The following JAML variants were observed in gnomAD, a reference collection of about 807,000 sequenced individuals.
JAML encodes the protein junctional adhesion molecule-like.
Under a neutral mutation model 39.3 loss-of-function variants are expected in JAML, and 25 were observed. The observed-to-expected ratio is 0.64, with a 90% CI of 0.46 to 0.89. JAML has a LOEUF of 0.89. Ranked by LOEUF, JAML falls within the 40% of genes least tolerant of loss-of-function variation. JAML has a pLI of 0.00. For synonymous variants in JAML, 162 were observed against 179.2 expected (o/e 0.90, Z 0.77); for missense variants, 440 against 486.9 (o/e 0.90, Z 0.91).
intron 5 of JAML, chr11:118,204,616 C>T (rs936357280): frequency 2.0e-5 from 3 of 152,244 alleles, no homozygotes; most frequent in Admixed American, 1.3e-4. Context: ...GCAGGGTTCA[C>T]TCCCTCTCCT....
chr11:118,197,894 G>T, intron 8 of JAML, 104 bp downstream of exon 8: 1 of 1,044,532 alleles, frequency 9.6e-7, no homozygotes, highest in Non-Finnish European at 1.5e-6. Flanking sequence ...CCAAGCACTG[G>T]CCTGCAAGCT....
At chr11:118,198,236 C>A (rs1207876719) in intron 7 of JAML, 145 bp from the exon 8 acceptor site, 5 of 643,208 alleles carry the variant, frequency 7.8e-6, no homozygotes, top group Non-Finnish European at 8.2e-6. Context: ...CAGGGCTACC[C>A]GGCTCACCTG....
Position 118,194,410 on chromosome 11 carries a change from A to C in JAML, c.1100T>G (p.Val367Gly). ...CCGATCTGACCTCAGAGAAGGCCAA[A>C]CTGGGTGCTGTGGGGGAAGGGCAGA... ...SEATYMTMHP[V>G]WPSLRSDRNN... The change falls in exon 10 of 10, where the codon GTT (valine) becomes GGT (glycine). Residue 367 changes from valine to glycine, a missense_variant. Coordinates refer to ENST00000356289, the MANE Select transcript of JAML (RefSeq NM_001098526.2). 1 of 1,613,600 alleles carries C rather than the reference A, an allele frequency of 6.2e-7. No individual in the cohort carries two copies. Among genetic ancestry groups the C allele is most frequent in the South Asian group, 1.1e-5 (1 of 91,072 alleles).
intron 4 of JAML, 51 bp from the exon 5 acceptor site, chr11:118,206,042 G>T: frequency 6.7e-7 from 1 of 1,495,634 alleles, no homozygotes; most frequent in Non-Finnish European, 9.3e-7. Flanking sequence ...ATCTATAGAA[G>T]TCAAAGAATT....
At chr11:118,221,161 C>A (rs1949206106) in intron 1 of JAML, among the ~76,000 whole-genome samples, 2 of 152,080 alleles carry the variant, frequency 1.3e-5, no homozygotes, top group South Asian at 2.1e-4. Context: ...CTGAGTACAC[C>A]ATTAAAAGGA....
At chr11:118,198,674 TA>T (rs61119825) in intron 7 of JAML, among the ~76,000 whole-genome samples, 2,173 of 127,552 alleles carry the variant, frequency 0.017, 43 homozygotes, top group African/African-American at 0.049. Context: ...AAGTCAGAAC[TA>T]AAAAAAAAAA....
chr11:118,196,186 G>C (rs1449743864), intron 9 of JAML, among the ~76,000 whole-genome samples: 2 of 150,044 alleles, frequency 1.3e-5, no homozygotes, highest in African/African-American at 4.9e-5. Context: ...CTGGAGTGTA[G>C]TGGTGGATCT....
chr11:118,211,928 T>C (rs1316095937), intron 3 of JAML, among the ~76,000 whole-genome samples: 8 of 152,290 alleles, frequency 5.3e-5, no homozygotes. Flanking sequence ...TGAAAGAATC[T>C]GTCCTCCTCC....
Position 118,222,375 on chromosome 11 carries a change from G to T in JAML, c.-21+2566C>A, listed in dbSNP as rs182877008. Among the ~76,000 whole-genome samples, 1 of 151,972 alleles carries T rather than the reference G, an allele frequency of 6.6e-6. No homozygotes were observed. ...GCTGAGGCTGCAGCGAGTTGTGATCGCACCACTGCATTCCAACCTGGCGAC... is the reference window on the plus strand; with the variant it reads ...GCTGAGGCTGCAGCGAGTTGTGATCTCACCACTGCATTCCAACCTGGCGAC... On this transcript the variant is annotated intron_variant, in intron 1 of 9. Coordinates refer to ENST00000356289, the MANE Select transcript of JAML (RefSeq NM_001098526.2). The surrounding 1 kb of genome is among the most constrained non-coding windows in gnomAD (Gnocchi z 4.2).
chr11:118,204,867 C>T (rs1048206075), intron 5 of JAML: 29 of 152,106 alleles, frequency 1.9e-4, no homozygotes, highest in African/African-American at 6.8e-4. Flanking sequence ...TTAAAAAAAG[C>T]CATGTAGATT....
At chr11:118,209,470 T>G (rs1319680566) in intron 4 of JAML, among the ~76,000 whole-genome samples, 1 of 152,218 alleles carries the variant, frequency 6.6e-6, no homozygotes, top group Non-Finnish European at 1.5e-5. Flanking sequence ...CTTCCACTTA[T>G]AAATGGAAAA....
At chr11:118,199,429 T>C (rs1684078437) in intron 7 of JAML, among the ~76,000 whole-genome samples, 1 of 152,274 alleles carries the variant, frequency 6.6e-6, no homozygotes, top group African/African-American at 2.4e-5. Flanking sequence ...ACAAGTGTTT[T>C]CTGCAGGATC....
Position 118,210,458 on chromosome 11 carries a change from GGCCCCTCTT to G in JAML, c.424+20_424+28del. ...TTGCACATGAAAGCTCTTGCCCCTT[GGCCCCTCTT>G]TAAGTAAGCATTTGCGTACCTTTGG... On this transcript the variant is annotated intron_variant, in intron 4 of 9. Coordinates refer to ENST00000356289, the MANE Select transcript of JAML (RefSeq NM_001098526.2). The G allele has an allele frequency of 6.2e-7, 1 of 1,608,688 alleles. No individual in the cohort carries two copies. Among genetic ancestry groups the G allele is most frequent in the South Asian group, 1.1e-5 (1 of 90,856 alleles).
At chr11:118,216,412 G>A (rs1824401301) in intron 1 of JAML, among the ~76,000 whole-genome samples, 1 of 151,634 alleles carries the variant, frequency 6.6e-6, no homozygotes, top group African/African-American at 2.4e-5. Context: ...TTCCTTAATC[G>A]TATTCTCCAA....
chr11:118,219,304 G>A lies in JAML; in HGVS notation c.-20-4418C>T, dbSNP rs748879547. Among the ~76,000 whole-genome samples the A allele has an allele frequency of 5.3e-4, 80 of 152,174 alleles. 2 individuals are homozygous for A. Among genetic ancestry groups the A allele is most frequent in the Non-Finnish European group, 1.9e-4 (13 of 68,024 alleles). ...GCTGGTGAGGATGCAGAGAAAAGGGGACTCTTATACATTATTGGTAGGAAT... is the reference window on the plus strand; with the variant it reads ...GCTGGTGAGGATGCAGAGAAAAGGGAACTCTTATACATTATTGGTAGGAAT... On this transcript the variant is annotated intron_variant, in intron 1 of 9. Coordinates refer to ENST00000356289, the MANE Select transcript of JAML (RefSeq NM_001098526.2).
intron 7 of JAML, among the ~76,000 whole-genome samples, chr11:118,198,828 G>C (rs1948716070): frequency 6.6e-6 from 1 of 152,166 alleles, no homozygotes. Context: ...ACAGTTGGAA[G>C]TGGAAGTTCC....
intron 4 of JAML, among the ~76,000 whole-genome samples, chr11:118,207,177 AATCT>A (rs1165798989): frequency 6.6e-6 from 1 of 152,264 alleles, no homozygotes; most frequent in East Asian, 1.9e-4. Context: ...ACTCCCTTTA[AATCT>A]ATCAGCACAT....
intron 1 of JAML, among the ~76,000 whole-genome samples, chr11:118,220,254 G>T (rs538632074): frequency 6.6e-6 from 1 of 152,124 alleles, no homozygotes; most frequent in Non-Finnish European, 1.5e-5. Flanking sequence ...TACCTGAACC[G>T]ATTATCCGGT....
chr11:118,205,846 G>A lies in JAML; in HGVS notation c.534+36C>T, dbSNP rs1452675883. On this transcript the variant is annotated intron_variant, in intron 5 of 9. Coordinates refer to ENST00000356289, the MANE Select transcript of JAML (RefSeq NM_001098526.2). ...CTTTGTCCTGATACCATCAGCCAGA[G>A]CCTTCTCTAACACAGTGATGTTTCC... is the stretch of plus-strand genomic sequence containing the variant. 2.5e-6 allele frequency: 4 copies of A among 1,573,658 alleles called. No homozygotes were observed. The Admixed American group carries it at 6.7e-5, about 26-fold the overall frequency.
Sources: gnomAD v4.1 joint callset for allele counts (sites outside exome capture counted in the v4.1 genomes callset) on GRCh38, gnomAD v4.1.1 for gene constraint, Gnocchi (gnomAD v3.1) non-coding constraint, MANE v1.5 for transcripts, NCBI Gene and HGNC (gene_info 2026-07-23, HGNC 2026-07-21) for gene names.